Variants in RBMS3 observed in about 807,000 individuals in gnomAD.
RBMS3 encodes the protein RNA-binding motif, single-stranded-interacting protein 3.
In RBMS3, 27 loss-of-function variants were observed where a neutral mutation model predicts 66.8. The ratio of observed to expected loss-of-function variants is 0.40; its 90% confidence interval spans 0.30 to 0.56. The LOEUF (loss-of-function observed/expected upper bound fraction) is 0.56. Among genes scored for constraint, RBMS3 ranks in the 20% least tolerant of loss-of-function variants. The pLI is 0.40. For synonymous variants in RBMS3, 188 were observed against 183.0 expected (o/e 1.03, Z -0.22); for missense variants, 513 against 549.5 (o/e 0.93, Z 0.66).
At chr3:29,856,022 G>A (rs1194055676) in intron 6 of RBMS3, among the ~76,000 whole-genome samples, 1 of 152,096 alleles carries the variant, frequency 6.6e-6, no homozygotes, top group Non-Finnish European at 1.5e-5. Context: ...AATTAGAAGT[G>A]TATATAATAG....
chr3:29,662,831 G>C (rs1285334025), intron 4 of RBMS3, among the ~76,000 whole-genome samples: 1 of 152,154 alleles, frequency 6.6e-6, no homozygotes, highest in Admixed American at 6.5e-5. Context: ...AGCTTGTGCT[G>C]CCCATCTTAA....
At chr3:29,706,472 C>G (rs527761585) in intron 4 of RBMS3, among the ~76,000 whole-genome samples, 2 of 152,156 alleles carry the variant, frequency 1.3e-5, no homozygotes, top group Non-Finnish European at 2.9e-5. Flanking sequence ...ATTTCACAGA[C>G]GGCACTGGAG....
At chr3:29,991,520 C>A (rs1408406265) in intron 14 of RBMS3, 3 of 262,124 alleles carry the variant, frequency 1.1e-5, no homozygotes, top group Non-Finnish European at 2.2e-5. Context: ...CTCCAGCAGG[C>A]TAATTCACAT....
At chr3:29,599,510 G>A (rs866181033) in intron 4 of RBMS3, among the ~76,000 whole-genome samples, 21 of 151,986 alleles carry the variant, frequency 1.4e-4, no homozygotes, top group African/African-American at 4.8e-4. Flanking sequence ...TGAAACAGAA[G>A]CAATAAGCAG....
At chr3:29,993,637 G>A (rs1185553988) in intron 14 of RBMS3, among the ~76,000 whole-genome samples, 1 of 152,060 alleles carries the variant, frequency 6.6e-6, no homozygotes, top group South Asian at 2.1e-4. Context: ...GAAGAAGAAG[G>A]AACTCCTGTT....
At chr3:29,439,519 C>T (rs1232535751) in intron 2 of RBMS3, among the ~76,000 whole-genome samples, 1 of 152,000 alleles carries the variant, frequency 6.6e-6, no homozygotes, top group Non-Finnish European at 1.5e-5. Flanking sequence ...GAACAATTAA[C>T]CAAATGAACT....
intron 6 of RBMS3, among the ~76,000 whole-genome samples, chr3:29,792,400 G>A (rs1168123482): frequency 2.6e-5 from 4 of 152,110 alleles, no homozygotes; most frequent in South Asian, 2.1e-4. Context: ...TTGAAATGCA[G>A]GGCCCTTCAT....
At chr3:29,989,552 G>A (rs1250036685) in intron 13 of RBMS3, among the ~76,000 whole-genome samples, 1 of 152,158 alleles carries the variant, frequency 6.6e-6, no homozygotes, top group Non-Finnish European at 1.5e-5. Context: ...CTGAGATTGA[G>A]GGAAACCTTT....
chr3:29,579,690 C>T (rs915009941), intron 3 of RBMS3, among the ~76,000 whole-genome samples: 4 of 152,148 alleles, frequency 2.6e-5, no homozygotes, highest in Non-Finnish European at 4.4e-5. Context: ...GGACCAACAG[C>T]TCAAACAAGA....
At chr3:29,809,985 AT>A (rs1217055464) in intron 6 of RBMS3, among the ~76,000 whole-genome samples, 2 of 152,060 alleles carry the variant, frequency 1.3e-5, no homozygotes, top group African/African-American at 2.4e-5. Context: ...TCATTTTACT[AT>A]TATATTGATC....
chr3:29,673,461 TG>T (rs199675660), intron 4 of RBMS3, among the ~76,000 whole-genome samples: 5,372 of 148,646 alleles, frequency 0.036, 312 homozygotes, highest in African/African-American at 0.12. Context: ...ATCCAGGAGC[TG>T]GTTTTTTTTT....
intron 10 of RBMS3, among the ~76,000 whole-genome samples, chr3:29,934,554 G>T (rs963817424): frequency 3.9e-5 from 6 of 152,060 alleles, no homozygotes; most frequent in African/African-American, 1.4e-4. Context: ...TTAAGTAAAA[G>T]CTTATCTTAT....
At chr3:29,858,942 C>G (rs1284070615) in intron 6 of RBMS3, among the ~76,000 whole-genome samples, 2 of 152,132 alleles carry the variant, frequency 1.3e-5, no homozygotes, top group Non-Finnish European at 2.9e-5. Flanking sequence ...CTGCTTTTAT[C>G]GTCACTGTGG....
chr3:29,357,350 C>T (rs2037286770), intron 1 of RBMS3, among the ~76,000 whole-genome samples: 1 of 152,160 alleles, frequency 6.6e-6, no homozygotes, highest in Non-Finnish European at 1.5e-5. Context: ...TTTCCAGCTT[C>T]ATCCATGTCC....
At chr3:29,916,823 TA>T (rs1450661951) in intron 10 of RBMS3, among the ~76,000 whole-genome samples, 8 of 152,100 alleles carry the variant, frequency 5.3e-5, no homozygotes, top group Non-Finnish European at 1.2e-4. Context: ...TCAAGGTATT[TA>T]AAAATCCTCT....
intron 12 of RBMS3, among the ~76,000 whole-genome samples, chr3:29,957,399 C>G (rs2149727337): frequency 6.6e-6 from 1 of 152,146 alleles, no homozygotes; most frequent in South Asian, 2.1e-4. Flanking sequence ...CTACATAATC[C>G]TAACTTTCTC....
In RBMS3 at chr3:29,281,499, GT is replaced by G. The variant is rs2031778731; in HGVS notation, c.-177del. Reference sequence around the variant, plus strand: ...CCTTTTTTTTTTTCCTTTGGTGTGTGTTTTTTGTTTTGTTTTGTTTTTTAAA... The same window carrying G: ...CCTTTTTTTTTTTCCTTTGGTGTGTGTTTTTGTTTTGTTTTGTTTTTTAAA... On this transcript the variant is annotated 5_prime_UTR_variant, in exon 1 of 15. Transcript: ENST00000383767. 3.5e-6 allele frequency: 2 copies of G among 570,734 alleles called. No homozygotes were observed. The highest frequency in any genetic ancestry group is 7.0e-5 in the Admixed American group (2 of 28,762). The allele number at this position is 570,734 out of a possible 1,614,324, so 35.4% of individuals were successfully genotyped here. A position where few individuals can be genotyped will look rare whatever the true frequency, so the allele number is the denominator to read the frequency against.
At chr3:29,556,667 A>G (rs965732422) in intron 3 of RBMS3, among the ~76,000 whole-genome samples, 2 of 152,168 alleles carry the variant, frequency 1.3e-5, no homozygotes, top group African/African-American at 2.4e-5. Flanking sequence ...AGTGCTCTGC[A>G]CAGATCCCCT....
intron 1 of RBMS3, among the ~76,000 whole-genome samples, chr3:29,342,911 C>T (rs2036359631): frequency 6.6e-6 from 1 of 152,104 alleles, no homozygotes; most frequent in Admixed American, 6.6e-5. Context: ...AATTGATTTA[C>T]TGGCTTGTGT....
Sources: allele counts gnomAD v4.1 joint callset (sites outside exome capture counted in the v4.1 genomes callset), GRCh38; gene constraint gnomAD v4.1.1; transcripts MANE v1.5; gene names NCBI Gene and HGNC (gene_info 2026-07-23, HGNC 2026-07-21).